The following MAN1A1 variants were observed in gnomAD, a reference collection of about 807,000 sequenced individuals.
The protein encoded by MAN1A1 is mannosyl-oligosaccharide 1,2-alpha-mannosidase IA.
Under a neutral mutation model 70.8 loss-of-function variants are expected in MAN1A1, and 29 were observed. That is an observed-to-expected ratio of 0.41 (90% CI 0.31 to 0.56). The LOEUF is 0.56. MAN1A1 is among the 20% of genes least tolerant of loss of function. The pLI, the probability that MAN1A1 is intolerant of heterozygous loss-of-function variation, is 0.29. For synonymous variants in MAN1A1, 349 were observed against 330.1 expected, an observed-to-expected ratio of 1.06 and a Z score of -0.62; for missense variants, 747 against 841.3, an observed-to-expected ratio of 0.89 and a Z score of 1.39.
chr6:119,239,760 TC>T (rs1043587908), intron 6 of MAN1A1, among the ~76,000 whole-genome samples: 9 of 152,206 alleles, frequency 5.9e-5, no homozygotes, highest in Non-Finnish European at 1.2e-4. Flanking sequence ...GATTGCTGGG[TC>T]ATTAAAAACC....
At chr6:119,262,665 A>C (rs1377492284) in intron 5 of MAN1A1, among the ~76,000 whole-genome samples, 3 of 152,214 alleles carry the variant, frequency 2.0e-5, no homozygotes, top group African/African-American at 7.2e-5. Flanking sequence ...GTTCTACCAT[A>C]AGGACACATG....
chr6:119,237,526 G>A (rs1312978348), intron 6 of MAN1A1, among the ~76,000 whole-genome samples: 1 of 152,008 alleles, frequency 6.6e-6, no homozygotes, highest in Non-Finnish European at 1.5e-5. Flanking sequence ...TTTTGGTTTT[G>A]TCTTGCGTTT....
At chr6:119,185,441 GT>G (rs1773260030) in intron 11 of MAN1A1, among the ~76,000 whole-genome samples, 1 of 152,170 alleles carries the variant, frequency 6.6e-6, no homozygotes, top group Admixed American at 6.5e-5. Context: ...GGAGTGCTTT[GT>G]TAGAAGATAG....
intron 4 of MAN1A1, among the ~76,000 whole-genome samples, chr6:119,298,764 T>G (rs1321599973): frequency 6.6e-6 from 1 of 151,750 alleles, no homozygotes; most frequent in Non-Finnish European, 1.5e-5. Flanking sequence ...GCCTGGGAAA[T>G]TTTTTGTATT....
chr6:119,330,458 T>G (rs916784888), intron 2 of MAN1A1, among the ~76,000 whole-genome samples: 7 of 152,214 alleles, frequency 4.6e-5, no homozygotes, highest in Non-Finnish European at 1.0e-4. Flanking sequence ...CTCAAGGATC[T>G]GTTCACTTTC....
intron 6 of MAN1A1, among the ~76,000 whole-genome samples, chr6:119,207,154 A>G (rs1773884769): frequency 6.6e-6 from 1 of 152,232 alleles, no homozygotes; most frequent in African/African-American, 2.4e-5. Flanking sequence ...AACATTTCTT[A>G]ACATTTAATT....
intron 11 of MAN1A1, among the ~76,000 whole-genome samples, chr6:119,185,562 T>C (rs1037388929): frequency 1.9e-4 from 28 of 151,028 alleles, no homozygotes; most frequent in African/African-American, 6.6e-4. Context: ...TGACCATAAT[T>C]TCAATATAAG....
chr6:119,264,313 G>T (rs775102644), intron 5 of MAN1A1, among the ~76,000 whole-genome samples: 2 of 152,288 alleles, frequency 1.3e-5, no homozygotes, highest in South Asian at 4.1e-4. Context: ...CAGGTAATTC[G>T]AAAGGAATGG....
intron 6 of MAN1A1, among the ~76,000 whole-genome samples, chr6:119,222,353 A>T: frequency 8.7e-6 from 1 of 114,400 alleles, no homozygotes; most frequent in Non-Finnish European, 1.7e-5. Flanking sequence ...TTGAGACAGG[A>T]TCTTGTCCTG....
chr6:119,350,447 CCTTT>C (rs1344827545), upstream of MAN1A1: 7 of 712,292 alleles, frequency 9.8e-6, no homozygotes, highest in African/African-American at 1.9e-5. Context: ...TCGTATGCGC[CCTTT>C]CTTCCCCCAA....
intron 2 of MAN1A1, among the ~76,000 whole-genome samples, chr6:119,345,199 GC>G (rs372925947): frequency 0.012 from 450 of 36,868 alleles, 8 homozygotes; most frequent in East Asian, 0.046. Context: ...TGAGGGGGGG[GC>G]GGAGCGGGGG....
intron 5 of MAN1A1, among the ~76,000 whole-genome samples, chr6:119,282,555 CATA>C (rs756265158): frequency 2.6e-5 from 4 of 152,108 alleles, no homozygotes; most frequent in Non-Finnish European, 5.9e-5. Flanking sequence ...TAATTATAAA[CATA>C]ATAAGCAAAA....
chr6:119,193,666 A>C, intron 9 of MAN1A1, 111 bp downstream of exon 9: 1 of 611,608 alleles, frequency 1.6e-6, no homozygotes, highest in Non-Finnish European at 2.8e-6. Flanking sequence ...ACCTAATTGG[A>C]AATACTTTGT....
At chr6:119,183,374 A>C (rs951510506) in intron 11 of MAN1A1, among the ~76,000 whole-genome samples, 1 of 151,812 alleles carries the variant, frequency 6.6e-6, no homozygotes, top group African/African-American at 2.4e-5. Context: ...TGAAGAAAGA[A>C]ACTTTCAAGT....
rs17081031 is a variant in MAN1A1 at position 119,323,530 on chromosome 6, C to A, written c.604-16538G>T. Reference sequence around the variant, plus strand: ...TGTTCTGCTTAATCTTAATGATGAACAACTGCAGGTTATTTTTGTTTGTGT... The same window carrying A: ...TGTTCTGCTTAATCTTAATGATGAAAAACTGCAGGTTATTTTTGTTTGTGT... On this transcript the variant is annotated intron_variant, in intron 2 of 12. Transcript: ENST00000368468. 5.9e-3 allele frequency among the ~76,000 whole-genome samples: 898 copies of A among 152,086 alleles called. 31 individuals carry two copies. In the East Asian group the frequency reaches 0.091, roughly 15 times the overall value.
intron 5 of MAN1A1, among the ~76,000 whole-genome samples, chr6:119,279,439 G>A (rs1477802879): frequency 1.3e-5 from 2 of 152,082 alleles, no homozygotes; most frequent in Non-Finnish European, 2.9e-5. Context: ...CTAAAGTGCC[G>A]AACACTGTTG....
chr6:119,346,023 T>G (rs1051295099), intron 2 of MAN1A1, among the ~76,000 whole-genome samples: 3 of 152,154 alleles, frequency 2.0e-5, no homozygotes, highest in African/African-American at 7.2e-5. Context: ...GGAGAATTGC[T>G]TGAACCCAGG....
intron 3 of MAN1A1, among the ~76,000 whole-genome samples, chr6:119,305,707 A>G (rs1196905743): frequency 6.6e-6 from 1 of 152,162 alleles, no homozygotes; most frequent in African/African-American, 2.4e-5. Context: ...GGAAGTATAT[A>G]TTGAACCACC....
chr6:119,285,836 T>C (rs1394626242), intron 5 of MAN1A1, among the ~76,000 whole-genome samples: 1 of 152,216 alleles, frequency 6.6e-6, no homozygotes, highest in African/African-American at 2.4e-5. Flanking sequence ...CACATATTTC[T>C]ACCTTTTATG....
Sources: gnomAD v4.1 joint callset for allele counts (sites outside exome capture counted in the v4.1 genomes callset) on GRCh38, gnomAD v4.1.1 for gene constraint, MANE v1.5 for transcripts, NCBI Gene and HGNC (gene_info 2026-07-23, HGNC 2026-07-21) for gene names.